RNF122: variants seen among roughly 807,000 people sequenced by gnomAD.
RNF122 encodes the protein ring finger protein 122.
A neutral mutation model predicts 24.2 loss-of-function variants in RNF122; 17 were observed. The ratio of observed to expected loss-of-function variants is 0.70; its 90% CI spans 0.48 to 1.06. The LOEUF (loss-of-function observed/expected upper bound fraction) is 1.06. RNF122 is among the 50% of genes least tolerant of loss of function. The pLI is 0.00. For missense variants in RNF122, 168 were observed against 198.1 expected (o/e 0.85, Z 0.91); for synonymous variants, 65 against 71.8 (o/e 0.91, Z 0.48).
intron 1 of RNF122, among the ~76,000 whole-genome samples, chr8:33,562,016 T>A (rs926317067): frequency 3.9e-5 from 6 of 152,088 alleles, no homozygotes; most frequent in Admixed American, 6.6e-5. Flanking sequence ...CTTGCCTGCT[T>A]CCCTGTCTTT....
intron 4 of RNF122, 130 bp downstream of exon 4, chr8:33,550,914 A>C: frequency 1.2e-6 from 1 of 805,468 alleles, no homozygotes; most frequent in Non-Finnish European, 2.2e-6. Flanking sequence ...TGTCTCCATT[A>C]TTTGGCCAAA....
At position 33,548,027 on chromosome 8, in the gene RNF122, A is replaced by C. The variant is rs895591763; in HGVS notation, c.*726T>G. 3 of 150,690 alleles carry C rather than the reference A, an allele frequency of 2.0e-5. No individual in the cohort carries two copies. In the East Asian group the frequency reaches 6.0e-4, roughly 30 times the overall value. 9.3% of individuals were successfully genotyped at this position (150,690 alleles called of 1,614,324 possible). ...AAAAAGGCCCCTGGGAATCAATTTA[A>C]GTATAGAACTAGCCCTCCTCTAGAG... is the stretch of plus-strand genomic sequence containing the variant. On this transcript the variant is annotated 3_prime_UTR_variant, in exon 6 of 6. Coordinates refer to ENST00000256257, the MANE Select transcript of RNF122 (RefSeq NM_024787.3).
In RNF122 at chr8:33,566,942, C is replaced by T. The variant is rs538625311; in HGVS notation, c.-219G>A. 3.0e-4 allele frequency: 176 copies of T among 590,736 alleles called. No homozygotes were observed. Among genetic ancestry groups the T allele is most frequent in the African/African-American group, 2.7e-3 (142 of 52,766 alleles). The allele number at this position is 590,736 out of a possible 1,614,324, so 36.6% of individuals were successfully genotyped here. ...GGACGAGGAGGAAACAAACAAAGTC[C>T]CGCGGAGCACAGCCGCACGGAGCGC... is the stretch of plus-strand genomic sequence containing the variant. On this transcript the variant is annotated 5_prime_UTR_variant, in exon 1 of 6. Coordinates refer to ENST00000256257, the MANE Select transcript of RNF122 (RefSeq NM_024787.3).
Position 33,548,540 on chromosome 8 carries a change from A to C in RNF122, c.*213T>G. 2.0e-6 allele frequency: 1 copy of C among 494,404 alleles called. No individual in the cohort carries two copies. The highest frequency in any genetic ancestry group is 3.7e-6 in the Non-Finnish European group (1 of 272,564). The allele number at this position is 494,404 out of a possible 1,614,324, so 30.6% of individuals were successfully genotyped here. A position where few individuals can be genotyped will look rare whatever the true frequency, so the allele number is the denominator to read the frequency against. On this transcript the variant is annotated 3_prime_UTR_variant, in exon 6 of 6. Transcript: ENST00000256257. ...TTGATGGGTGAGGCCACCAGCATGG[A>C]GTAGCAGGGAAGAAGGCTTCAGGAG...
At chr8:33,564,568 C>A (rs778634724) in intron 1 of RNF122, among the ~76,000 whole-genome samples, 1 of 98,666 alleles carries the variant, frequency 1.0e-5, no homozygotes, top group Non-Finnish European at 2.0e-5. Context: ...GTGAGACCCT[C>A]TCTCAAAAAA....
intron 1 of RNF122, among the ~76,000 whole-genome samples, chr8:33,563,118 A>AG: frequency 3.2e-5 from 1 of 31,086 alleles, no homozygotes; most frequent in South Asian, 6.5e-4. Flanking sequence ...AGAAAAAAAG[A>AG]AAAAAAAAAA....
At chr8:33,565,676 C>T (rs1021002888) in intron 1 of RNF122, among the ~76,000 whole-genome samples, 1 of 152,194 alleles carries the variant, frequency 6.6e-6, no homozygotes, top group East Asian at 1.9e-4. Flanking sequence ...GAAGCATCAC[C>T]CAGGCCTGGG....
At chr8:33,566,475 C>A (rs994301018) in intron 1 of RNF122, among the ~76,000 whole-genome samples, 1 of 152,172 alleles carries the variant, frequency 6.6e-6, no homozygotes, top group Non-Finnish European at 1.5e-5. Flanking sequence ...CCCGGCCCGC[C>A]GCCAGTCCGG....
At chr8:33,566,202 C>A (rs1177682133) in intron 1 of RNF122, among the ~76,000 whole-genome samples, 1 of 152,190 alleles carries the variant, frequency 6.6e-6, no homozygotes, top group Non-Finnish European at 1.5e-5. Flanking sequence ...GCCACGCCAG[C>A]AGCCCGTGGG....
intron 2 of RNF122, among the ~76,000 whole-genome samples, chr8:33,556,089 A>T (rs1810446739): frequency 7.0e-6 from 1 of 142,292 alleles, no homozygotes; most frequent in African/African-American, 2.6e-5. Flanking sequence ...CTGAGTTGGG[A>T]GGATGGCTTG....
At chr8:33,560,929 TAAAAAC>T (rs551858043) in intron 1 of RNF122, among the ~76,000 whole-genome samples, 1 of 151,842 alleles carries the variant, frequency 6.6e-6, no homozygotes, top group Non-Finnish European at 1.5e-5. Flanking sequence ...AGACTCCATC[TAAAAAC>T]AAAAACAAAA....
chr8:33,560,942 AAAAAC>A (rs1810531953), intron 1 of RNF122, among the ~76,000 whole-genome samples: 1 of 152,072 alleles, frequency 6.6e-6, no homozygotes, highest in African/African-American at 2.4e-5. Context: ...AAACAAAAAC[AAAAAC>A]AAAACAAAAA....
chr8:33,566,645 C>G (rs1810629066), intron 1 of RNF122, 54 bp downstream of exon 1: 1 of 1,562,408 alleles, frequency 6.4e-7, no homozygotes, highest in Non-Finnish European at 8.7e-7. Flanking sequence ...TCGCACCCCG[C>G]GCCGCGGCTC....
chr8:33,554,650 C>A (rs1166963729), intron 2 of RNF122, among the ~76,000 whole-genome samples: 2 of 152,234 alleles, frequency 1.3e-5, no homozygotes, highest in South Asian at 2.1e-4. Flanking sequence ...GGACAGGTGG[C>A]CTTCTCAGCT....
rs1270429123 is a variant in RNF122 at position 33,566,979 on chromosome 8, GC to G, written c.-257del. Reference sequence around the variant, plus strand: ...GCCGCACGGAGCGCACGCGCCAAGGGCCCCGGGCTGGGGGAATGTGGGGCGC... The same window carrying G: ...GCCGCACGGAGCGCACGCGCCAAGGGCCCGGGCTGGGGGAATGTGGGGCGC... On this transcript the variant is annotated 5_prime_UTR_variant, in exon 1 of 6. Coordinates refer to ENST00000256257, the MANE Select transcript of RNF122 (RefSeq NM_024787.3). The G allele has an allele frequency of 5.9e-6, 3 of 510,362 alleles. No homozygotes were observed. The African/African-American group carries it at 6.2e-5, about 10-fold the overall frequency. The allele number at this position is 510,362 out of a possible 1,614,324, so 31.6% of individuals were successfully genotyped here.
At chr8:33,549,320 A>T in intron 5 of RNF122, 90 bp downstream of exon 5, 1 of 1,044,268 alleles carries the variant, frequency 9.6e-7, no homozygotes, top group Non-Finnish European at 1.5e-6. Flanking sequence ...GATAAGGGGC[A>T]AATAGAAAGT....
At chr8:33,563,720 T>TTC (rs1810575200) in intron 1 of RNF122, among the ~76,000 whole-genome samples, 1 of 152,292 alleles carries the variant, frequency 6.6e-6, no homozygotes, top group East Asian at 1.9e-4. Flanking sequence ...CCCAGCTGTT[T>TTC]TCTCACCTCC....
At chr8:33,552,236 A>G (rs1160017410) in intron 2 of RNF122, among the ~76,000 whole-genome samples, 1 of 151,992 alleles carries the variant, frequency 6.6e-6, no homozygotes, top group Non-Finnish European at 1.5e-5. Context: ...ACTCCGTCAC[A>G]TTAAAAATAC....
At chr8:33,564,942 C>T (rs1261070274) in intron 1 of RNF122, among the ~76,000 whole-genome samples, 1 of 152,198 alleles carries the variant, frequency 6.6e-6, no homozygotes, top group East Asian at 1.9e-4. Flanking sequence ...AAGGGCGCTG[C>T]CCAGAAAGGG....
Sources: gnomAD v4.1 joint callset for allele counts (sites outside exome capture counted in the v4.1 genomes callset) on GRCh38, gnomAD v4.1.1 for gene constraint, MANE v1.5 for transcripts, NCBI Gene and HGNC (gene_info 2026-07-23, HGNC 2026-07-21) for gene names.